GPATCH2: variants seen among roughly 807,000 people sequenced by gnomAD.
GPATCH2 encodes G patch domain-containing protein 2.
Under a neutral mutation model 58.0 loss-of-function variants are expected in GPATCH2, and 51 were observed. The observed-to-expected ratio is 0.88, with a 90% CI of 0.70 to 1.11. The LOEUF is 1.11. Among genes scored for constraint, GPATCH2 ranks in the 50% most tolerant of loss-of-function variants. The probability of loss-of-function intolerance (pLI) is 0.00; values close to 1 mark genes in which losing one functional copy is unlikely to be tolerated. For missense variants in GPATCH2, 625 were observed against 652.2 expected (o/e 0.96, Z 0.45); for synonymous variants, 222 against 218.5 (o/e 1.02, Z -0.14).
At chr1:217,476,317 G>A (rs1249114560) in intron 8 of GPATCH2, among the ~76,000 whole-genome samples, 2 of 151,614 alleles carry the variant, frequency 1.3e-5, no homozygotes, top group African/African-American at 4.9e-5. Context: ...CACCTGGGGT[G>A]GAGCAAGATG....
intron 7 of GPATCH2, among the ~76,000 whole-genome samples, chr1:217,495,681 C>A (rs1006859867): frequency 6.6e-6 from 1 of 152,140 alleles, no homozygotes; most frequent in Non-Finnish European, 1.5e-5. Context: ...CTATGGTTTT[C>A]TGAAACATTT....
intron 5 of GPATCH2, among the ~76,000 whole-genome samples, chr1:217,537,155 A>G (rs1664515561): frequency 6.6e-6 from 1 of 152,228 alleles, no homozygotes; most frequent in Non-Finnish European, 1.5e-5. Flanking sequence ...CATACAGATT[A>G]GAAATCAAAG....
At chr1:217,445,985 G>C (rs1474710300) in intron 9 of GPATCH2, among the ~76,000 whole-genome samples, 2 of 152,028 alleles carry the variant, frequency 1.3e-5, no homozygotes, top group Non-Finnish European at 2.9e-5. Context: ...GTCATAAATT[G>C]TTATACAAAT....
rs939119391 is a variant in GPATCH2 at position 217,516,973 on chromosome 1, C to A, written c.1099-2084G>T. On this transcript the variant is annotated intron_variant, in intron 5 of 9. Coordinates refer to ENST00000366935, the MANE Select transcript of GPATCH2 (RefSeq NM_018040.5). ...TCACATACACCCATGTGATAAATTG[C>A]CTGATGAAAACAAAGCAACTGAATG... 2.5e-4 allele frequency among the ~76,000 whole-genome samples: 38 copies of A among 152,048 alleles called. 1 individual carries two copies. The highest frequency in any genetic ancestry group is 2.5e-3 in the Admixed American group (38 of 15,264).
In GPATCH2 at chr1:217,630,919, C is replaced by T. The variant is rs1669727223; in HGVS notation, c.53G>A (p.Ser18Asn). The T allele has an allele frequency of 6.3e-7, 1 of 1,588,130 alleles. No homozygotes were observed. Among genetic ancestry groups the T allele is most frequent in the Non-Finnish European group, 8.5e-7 (1 of 1,172,226 alleles). The change falls in exon 1 of 10, where the codon AGC (serine) becomes AAC (asparagine). Residue 18 changes from serine (S) to asparagine (N), a missense_variant. Ser to Asn is a conservative substitution (Grantham distance 46). Coordinates refer to ENST00000366935, the MANE Select transcript of GPATCH2 (RefSeq NM_018040.5). ...QPIGAPAAGN[S>N]WHFSRTMEEL... ...TCCCCAGGGCCGCCAGCCTCACCAG[C>T]TGTTCCCGGCTGCTGGAGCTCCGAT...
At chr1:217,510,719 CTT>C (rs1260608079) in intron 6 of GPATCH2, among the ~76,000 whole-genome samples, 3 of 152,104 alleles carry the variant, frequency 2.0e-5, no homozygotes, top group African/African-American at 7.2e-5. Context: ...TATTTAAACA[CTT>C]TCGGAGTTTT....
intron 8 of GPATCH2, among the ~76,000 whole-genome samples, chr1:217,463,613 T>C (rs1454690265): frequency 1.7e-5 from 2 of 117,054 alleles, no homozygotes; most frequent in Admixed American, 1.0e-4. Flanking sequence ...AAGACCAGCC[T>C]GGGCAACATA....
At chr1:217,515,463 C>T (rs1663086691) in intron 5 of GPATCH2, among the ~76,000 whole-genome samples, 1 of 152,062 alleles carries the variant, frequency 6.6e-6, no homozygotes, top group Non-Finnish European at 1.5e-5. Flanking sequence ...CGCCTGTAAT[C>T]CCAGTACTTT....
chr1:217,488,675 T>C (rs1308118133), intron 8 of GPATCH2, among the ~76,000 whole-genome samples: 1 of 152,010 alleles, frequency 6.6e-6, no homozygotes, highest in East Asian at 1.9e-4. Context: ...AATTATTTTA[T>C]TTTATTTTAA....
Position 217,619,807 on chromosome 1 carries a change from A to G in GPATCH2, c.749T>C (p.Val250Ala). ...CCTTTCACTCATGAGCTCATCTGAGACTTTTTGCTCTTCACATTCCATTTT... is the reference window on the plus strand; with the variant it reads ...CCTTTCACTCATGAGCTCATCTGAGGCTTTTTGCTCTTCACATTCCATTTT... ...KDKMECEEQK[V>A]SDELMSESDS... is the part of the protein sequence containing the mutation. Residue 250 changes from valine (V) to alanine (A), a missense_variant, in exon 2 of 10, where the codon GTC (valine) becomes GCC (alanine). Val to Ala is a moderately conservative substitution (Grantham distance 64). Transcript: ENST00000366935. 1 of 1,589,678 alleles carries G rather than the reference A, an allele frequency of 6.3e-7. No individual in the cohort carries two copies. The highest frequency in any genetic ancestry group is 1.4e-5 in the African/African-American group (1 of 73,818).
intron 5 of GPATCH2, among the ~76,000 whole-genome samples, chr1:217,553,087 C>T (rs1665441113): frequency 6.6e-6 from 1 of 151,940 alleles, no homozygotes; most frequent in Non-Finnish European, 1.5e-5. Context: ...TAAGGGGAAA[C>T]ACCAAATCTA....
At chr1:217,503,473 C>T (rs2102557357) in intron 6 of GPATCH2, among the ~76,000 whole-genome samples, 1 of 152,106 alleles carries the variant, frequency 6.6e-6, no homozygotes, top group South Asian at 2.1e-4. Flanking sequence ...GGAAAAAAAA[C>T]CTTTCAATCA....
intron 9 of GPATCH2, among the ~76,000 whole-genome samples, chr1:217,437,174 T>A (rs2102530087): frequency 6.6e-6 from 1 of 152,194 alleles, no homozygotes; most frequent in East Asian, 1.9e-4. Context: ...GGAGGAACTG[T>A]GCCTTGAGGA....
At chr1:217,468,046 C>G (rs953868854) in intron 8 of GPATCH2, among the ~76,000 whole-genome samples, 4 of 152,076 alleles carry the variant, frequency 2.6e-5, no homozygotes, top group African/African-American at 9.7e-5. Flanking sequence ...ATGTTAGGAA[C>G]CAATTCATTT....
chr1:217,457,031 G>A lies in GPATCH2; in HGVS notation c.1278-7694C>T, dbSNP rs902735050. 7.2e-5 allele frequency among the ~76,000 whole-genome samples: 11 copies of A among 152,016 alleles called. 1 individual carries two copies. Among genetic ancestry groups the A allele is most frequent in the Admixed American group, 3.9e-4 (6 of 15,260 alleles). On this transcript the variant is annotated intron_variant, in intron 8 of 9. Coordinates refer to ENST00000366935, the MANE Select transcript of GPATCH2 (RefSeq NM_018040.5). ...TAATATTTTTTCTTACATTAAGCAC[G>A]CAATGAAAGATACAAATTATAACCA... is the stretch of plus-strand genomic sequence containing the variant.
intron 5 of GPATCH2, among the ~76,000 whole-genome samples, chr1:217,516,616 TA>T (rs916031274): frequency 2.6e-5 from 4 of 152,202 alleles, no homozygotes; most frequent in Admixed American, 2.0e-4. Context: ...CATGCTTTGT[TA>T]GAGGTTCATG....
chr1:217,489,262 C>T lies in GPATCH2; in HGVS notation c.1277+2418G>A, dbSNP rs185694928. ...CATTTTTAAAAAATGGATTATTTGACGGGGGCAATATTTTAATTACATTTC... is the reference window on the plus strand; with the variant it reads ...CATTTTTAAAAAATGGATTATTTGATGGGGGCAATATTTTAATTACATTTC... On this transcript the variant is annotated intron_variant, in intron 8 of 9. Transcript: ENST00000366935. 5.5e-4 allele frequency among the ~76,000 whole-genome samples: 83 copies of T among 152,018 alleles called. 1 individual carries two copies. The highest frequency in any genetic ancestry group is 4.1e-3 in the Admixed American group (62 of 15,266).
chr1:217,431,220 C>T lies in GPATCH2; in HGVS notation c.1512G>A (p.Lys504=). ...GTAGAGGAAATCCAAGTCCTAATCC[C>T]TTTGGCCTCTGCATGGCTTGAATTG... The part of the protein sequence containing the change: ...SEPIQAMQRP[K]GLGLGFPLPK... The change falls in exon 10 of 10, where the codon AAG becomes AAA. Residue 504 remains lysine, a synonymous_variant. Transcript: ENST00000366935. 1.2e-6 allele frequency: 2 copies of T among 1,611,634 alleles called. No homozygotes were observed. Among genetic ancestry groups the T allele is most frequent in the Non-Finnish European group, 1.7e-6 (2 of 1,177,716 alleles).
chr1:217,598,211 C>A (rs191230111), intron 5 of GPATCH2, among the ~76,000 whole-genome samples: 2 of 151,904 alleles, frequency 1.3e-5, no homozygotes, highest in African/African-American at 2.4e-5. Flanking sequence ...CATATCGAAA[C>A]CCTGACTCTA....
Sources: gnomAD v4.1 joint callset for allele counts (sites outside exome capture counted in the v4.1 genomes callset) on GRCh38, gnomAD v4.1.1 for gene constraint, MANE v1.5 for transcripts, NCBI Gene and HGNC (gene_info 2026-07-23, HGNC 2026-07-21) for gene names.